PRAG1: variants seen among roughly 807,000 people sequenced by gnomAD.
PRAG1 encodes inactive tyrosine-protein kinase PRAG1.
A neutral mutation model predicts 95.6 loss-of-function variants in PRAG1; 110 were observed. The ratio of observed to expected loss-of-function variants is 1.15; its 90% CI spans 0.99 to 1.35. PRAG1 has a LOEUF of 1.35. PRAG1 is among the 40% of genes most tolerant of loss of function. PRAG1 has a pLI of 0.00. For synonymous variants in PRAG1, 1,052 were observed against 819.4 expected (o/e 1.28, Z -4.85); for missense variants, 2,554 against 1,864.7 (o/e 1.37, Z -6.81).
chr8:8,370,285 C>G (rs1380548898), intron 3 of PRAG1, among the ~76,000 whole-genome samples: 1 of 152,198 alleles, frequency 6.6e-6, no homozygotes, highest in African/African-American at 2.4e-5. Flanking sequence ...TGAATTTGCC[C>G]CTGGCATGGC....
At position 8,339,518 on chromosome 8, in the gene PRAG1, C is replaced by T. The variant is rs200855267; in HGVS notation, c.2280G>A (p.Thr760=). The T allele has an allele frequency of 2.5e-5, 40 of 1,614,006 alleles. No homozygotes were observed. The highest frequency in any genetic ancestry group is 8.3e-5 in the Admixed American group (5 of 59,998). The change falls in exon 4 of 6, where the codon ACG becomes ACA. Residue 760 remains threonine, a synonymous_variant. Transcript: ENST00000615670. ...GVHVSFTTGS[T]DSLASDSRTC... Reference sequence around the variant, plus strand: ...TCCTAGAGTCTGAGGCCAGGCTGTCCGTGGAGCCGGTGGTGAAGCTGACGT... The same window carrying T: ...TCCTAGAGTCTGAGGCCAGGCTGTCTGTGGAGCCGGTGGTGAAGCTGACGT...
Position 8,319,048 on chromosome 8 carries a change from G to A in PRAG1, c.3327C>T (p.Ala1109=), listed in dbSNP as rs1484757549. ...TASDFVRDSA[A]SHQAEPEAYE... ...ACGCCTCGGGCTCCGCCTGGTGGCT[G>A]GCCGCCGAGTCCCGCACGAAGTCGG... is the stretch of plus-strand genomic sequence containing the variant. Residue 1109 remains alanine, a synonymous_variant, in exon 6 of 6, where the codon GCC becomes GCT. Transcript: ENST00000615670. The A allele has an allele frequency of 1.2e-6, 2 of 1,612,624 alleles. No homozygotes were observed. The highest frequency in any genetic ancestry group is 1.7e-6 in the Non-Finnish European group (2 of 1,179,798).
At chr8:8,371,630 G>T (rs1438463860) in intron 3 of PRAG1, among the ~76,000 whole-genome samples, 1 of 152,152 alleles carries the variant, frequency 6.6e-6, no homozygotes, top group African/African-American at 2.4e-5. Context: ...AACACTTTGG[G>T]AGGCTGAGGC....
chr8:8,360,186 C>A (rs1475707713), intron 3 of PRAG1, among the ~76,000 whole-genome samples: 1 of 152,182 alleles, frequency 6.6e-6, no homozygotes, highest in Non-Finnish European at 1.5e-5. Flanking sequence ...GAAGTAGTCA[C>A]AAATGGGAGA....
intron 3 of PRAG1, among the ~76,000 whole-genome samples, chr8:8,360,318 T>C (rs1799805880): frequency 6.6e-6 from 1 of 152,188 alleles, no homozygotes; most frequent in African/African-American, 2.4e-5. Flanking sequence ...TTCTTCTCTT[T>C]ATTTTCATAT....
At chr8:8,379,193 C>A (rs1220483090) in intron 2 of PRAG1, among the ~76,000 whole-genome samples, 1 of 152,166 alleles carries the variant, frequency 6.6e-6, no homozygotes, top group Non-Finnish European at 1.5e-5. Context: ...TCTTTCTGTG[C>A]TTTGCTTCCA....
In PRAG1 at chr8:8,377,879, A is replaced by C; in HGVS notation, c.530T>G (p.Phe177Cys). 6.2e-7 allele frequency: 1 copy of C among 1,614,092 alleles called. No individual in the cohort carries two copies. Among genetic ancestry groups the C allele is most frequent in the Non-Finnish European group, 8.5e-7 (1 of 1,179,990 alleles). The stretch of plus-strand genomic sequence containing the variant: ...CTCCTCCGGGAAGCTCACCGGGTGG[A>C]AGGCAATGTTCCTCTCGCCGCGGGG... ...LEPRGERNIA[F>C]HPVSFPEEKA... Residue 177 changes from phenylalanine to cysteine, a missense_variant, in exon 3 of 6, where the codon TTC becomes TGC. Physicochemically the swap from Phe to Cys is radical, Grantham distance 205. Coordinates refer to ENST00000615670, the MANE Select transcript of PRAG1 (RefSeq NM_001080826.3).
Position 8,318,512 on chromosome 8 carries a change from G to T in PRAG1, c.3863C>A (p.Pro1288Gln). The change falls in exon 6 of 6, where the codon CCG becomes CAG. Residue 1288 changes from proline to glutamine, a missense_variant. Coordinates refer to ENST00000615670, the MANE Select transcript of PRAG1 (RefSeq NM_001080826.3). The surrounding 1 kb of genome is among the most constrained non-coding windows in gnomAD (Gnocchi z 4.2). ...GTAGAGGGACAGCGCGGGCAGCGGC[G>T]GCAGGTCCTCCTGCCGGTAGTCTCT... ...RERDYRQEDL[P>Q]PLPALSLYSP... 6.2e-7 allele frequency: 1 copy of T among 1,611,762 alleles called. No individual in the cohort carries two copies. Among genetic ancestry groups the T allele is most frequent in the Non-Finnish European group, 8.5e-7 (1 of 1,179,608 alleles).
Position 8,360,494 on chromosome 8 carries a change from T to C in PRAG1, c.2162+15753A>G, listed in dbSNP as rs555492881. Among the ~76,000 whole-genome samples, 58 of 152,328 alleles carry C rather than the reference T, an allele frequency of 3.8e-4. 1 individual carries two copies. In the Middle Eastern group the frequency reaches 0.024, roughly 63 times the overall value. On this transcript the variant is annotated intron_variant, in intron 3 of 5. Coordinates refer to ENST00000615670, the MANE Select transcript of PRAG1 (RefSeq NM_001080826.3). ...CCCCTACATCATCTGTCCTGGTGAA[T>C]TCTGCCAAAAGATTTTCACTTTCTG...
chr8:8,366,283 G>A (rs1321244784), intron 3 of PRAG1, among the ~76,000 whole-genome samples: 1 of 151,012 alleles, frequency 6.6e-6, no homozygotes, highest in African/African-American at 2.4e-5. Context: ...GCTAGACAGA[G>A]TCCCCCTACC....
intron 3 of PRAG1, among the ~76,000 whole-genome samples, chr8:8,361,724 A>C (rs1210761055): frequency 6.6e-6 from 1 of 152,202 alleles, no homozygotes; most frequent in Non-Finnish European, 1.5e-5. Flanking sequence ...ATACATTTTT[A>C]AAAGTTGACA....
At chr8:8,368,969 A>C (rs1346429149) in intron 3 of PRAG1, among the ~76,000 whole-genome samples, 1 of 152,230 alleles carries the variant, frequency 6.6e-6, no homozygotes, top group South Asian at 2.1e-4. Context: ...GCAGGAATGA[A>C]ATGTACAATC....
intron 2 of PRAG1, among the ~76,000 whole-genome samples, chr8:8,378,738 A>G (rs2945847): frequency 0.57 from 87,081 of 151,766 alleles, 25,940 homozygotes; most frequent in East Asian, 0.77. Context: ...GTGTGTACCT[A>G]CAGTCCCAGC....
chr8:8,336,878 C>G (rs531574299), intron 4 of PRAG1, among the ~76,000 whole-genome samples: 157 of 145,806 alleles, frequency 1.1e-3, no homozygotes, highest in Middle Eastern at 0.01. Context: ...CAACTAAAAC[C>G]TTCCCCCCAC....
At chr8:8,334,976 C>A (rs1798940980) in intron 4 of PRAG1, among the ~76,000 whole-genome samples, 1 of 151,488 alleles carries the variant, frequency 6.6e-6, no homozygotes, top group South Asian at 2.1e-4. Flanking sequence ...GCTGCTGAGG[C>A]AGGAGAATTG....
intron 3 of PRAG1, among the ~76,000 whole-genome samples, chr8:8,373,199 C>T (rs1180615692): frequency 6.6e-6 from 1 of 152,094 alleles, no homozygotes; most frequent in East Asian, 1.9e-4. Context: ...TTGCCAACAC[C>T]CTGACCTACT....
intron 5 of PRAG1, among the ~76,000 whole-genome samples, chr8:8,323,880 G>T (rs1798546501): frequency 6.6e-6 from 1 of 152,160 alleles, no homozygotes; most frequent in African/African-American, 2.4e-5. Context: ...AGCGCTTCGA[G>T]TATTGATTTT....
Position 8,376,628 on chromosome 8 carries a change from T to A in PRAG1, c.1781A>T (p.Asp594Val). ...GPQPPSQGPA[D>V]PAPSCRTNGV... ...GTTGGTCCGGCAGGAAGGAGCGGGG[T>A]CAGCAGGACCTTGGGATGGAGGCTG... is the stretch of plus-strand genomic sequence containing the variant. The change falls in exon 3 of 6, where the codon GAC becomes GTC. Residue 594 changes from aspartate (D) to valine (V), a missense_variant. Asp to Val is a radical substitution (Grantham distance 152, BLOSUM62 -3). Coordinates refer to ENST00000615670, the MANE Select transcript of PRAG1 (RefSeq NM_001080826.3). 6.2e-7 allele frequency: 1 copy of A among 1,604,312 alleles called. No individual in the cohort carries two copies. Among genetic ancestry groups the A allele is most frequent in the Non-Finnish European group, 8.5e-7 (1 of 1,175,018 alleles).
chr8:8,321,910 C>A (rs535652419), intron 5 of PRAG1, among the ~76,000 whole-genome samples: 3 of 152,168 alleles, frequency 2.0e-5, no homozygotes, highest in African/African-American at 4.8e-5. Context: ...TTCCTGGGAA[C>A]CTCTGGTCAC....
Sources: gnomAD v4.1 joint callset for allele counts (sites outside exome capture counted in the v4.1 genomes callset) on GRCh38, gnomAD v4.1.1 for gene constraint, Gnocchi (gnomAD v3.1) non-coding constraint, MANE v1.5 for transcripts, NCBI Gene and HGNC (gene_info 2026-07-23, HGNC 2026-07-21) for gene names.